IFT140: variants seen among roughly 807,000 people sequenced by gnomAD.
IFT140 encodes the protein intraflagellar transport 140.
Under a neutral mutation model 164.6 loss-of-function variants are expected in IFT140, and 133 were observed. That is an observed-to-expected ratio of 0.81 (90% CI 0.70 to 0.93). The LOEUF is 0.93. Ranked by LOEUF, IFT140 falls within the 40% of genes least tolerant of loss-of-function variation. The pLI, the probability that IFT140 is intolerant of heterozygous loss-of-function variation, is 0.00. For synonymous variants in IFT140, 860 were observed against 817.3 expected, an observed-to-expected ratio of 1.05 and a Z score of -0.89; for missense variants, 2,045 against 1,972.3, an observed-to-expected ratio of 1.04 and a Z score of -0.70.
chr16:1,567,934 A>G (rs1487771493), intron 15 of IFT140, among the ~76,000 whole-genome samples: 2 of 152,222 alleles, frequency 1.3e-5, no homozygotes, highest in Admixed American at 1.3e-4. Context: ...CTCTCCAACA[A>G]GGAATCGACT....
At chr16:1,524,334 A>C (rs1314972858) in intron 24 of IFT140, 3 of 668,730 alleles carry the variant, frequency 4.5e-6, no homozygotes, top group African/African-American at 1.8e-5. Context: ...CCTGGGAAAC[A>C]TCTGGGGACA....
intron 19 of IFT140, chr16:1,534,451 C>G: frequency 3.1e-6 from 5 of 1,611,554 alleles, no homozygotes; most frequent in Non-Finnish European, 3.4e-6. Flanking sequence ...CGGGGAGGGC[C>G]GAGCCCTGGG....
Position 1,510,937 on chromosome 16 carries a change from A to G in IFT140, c.*7T>C, listed in dbSNP as rs755667163. 3 of 1,608,116 alleles carry G rather than the reference A, an allele frequency of 1.9e-6. No homozygotes were observed. Among genetic ancestry groups the G allele is most frequent in the Admixed American group, 3.3e-5 (2 of 59,746 alleles). Reference sequence around the variant, plus strand: ...CAGCAGCACGCTGGTCCTGGGGCCCAGGCCCCTCAGGGGTCGTCATCTGCC... The same window carrying G: ...CAGCAGCACGCTGGTCCTGGGGCCCGGGCCCCTCAGGGGTCGTCATCTGCC... On this transcript the variant is annotated 3_prime_UTR_variant, in exon 31 of 31. Transcript: ENST00000426508.
intron 13 of IFT140, among the ~76,000 whole-genome samples, chr16:1,574,254 C>G (rs542903865): frequency 6.6e-6 from 1 of 152,258 alleles, no homozygotes; most frequent in East Asian, 1.9e-4. Context: ...CTGCCTTTAT[C>G]CTGGCTCAGG....
intron 19 of IFT140, among the ~76,000 whole-genome samples, chr16:1,528,957 C>T (rs1039404339): frequency 2.6e-5 from 4 of 152,184 alleles, no homozygotes; most frequent in Admixed American, 6.5e-5. Flanking sequence ...TTCCCTGGCT[C>T]CCACAGAATC....
In IFT140 at chr16:1,568,291, C is replaced by T. The variant is rs1402796285; in HGVS notation, c.1696G>A (p.Val566Ile). Reference protein sequence around the residue: ...HCSCRSLAELVPGVGGIASLR... With the variant: ...HCSCRSLAELIPGVGGIASLR... ...GAAGCGATGCCCCCCACCCCAGGGA[C>T]CAGCTCCGCCAGGCTCCTGCAGCTA... The change falls in exon 15 of 31, where the codon GTC (valine) becomes ATC (isoleucine). Residue 566 changes from valine (V) to isoleucine (I), a missense_variant. Coordinates refer to ENST00000426508, the MANE Select transcript of IFT140 (RefSeq NM_014714.4). 11 of 1,613,648 alleles carry T rather than the reference C, an allele frequency of 6.8e-6. No homozygotes were observed. Among genetic ancestry groups the T allele is most frequent in the Non-Finnish European group, 8.5e-6 (10 of 1,180,002 alleles).
At chr16:1,602,271 T>C (rs1306334860) in intron 4 of IFT140, 99 bp downstream of exon 4, 6 of 1,028,586 alleles carry the variant, frequency 5.8e-6, no homozygotes, top group Non-Finnish European at 8.8e-6. Context: ...CAACTGAATT[T>C]GGCAACAGCA....
In IFT140 at chr16:1,540,331, C is replaced by G. The variant is rs561216279; in HGVS notation, c.2400-13535G>C. ...CTAATACTGGCAATAGTGGTTCCAA[C>G]GGATACTTCTAACCACGTAAACACT... is the stretch of plus-strand genomic sequence containing the variant. On this transcript the variant is annotated intron_variant, in intron 19 of 30. Coordinates refer to ENST00000426508, the MANE Select transcript of IFT140 (RefSeq NM_014714.4). 5.9e-5 allele frequency among the ~76,000 whole-genome samples: 9 copies of G among 152,360 alleles called. No homozygotes were observed. In the South Asian group the frequency reaches 1.0e-3, roughly 18 times the overall value.
chr16:1,591,038 G>A (rs1021550231), intron 6 of IFT140, among the ~76,000 whole-genome samples: 9 of 152,172 alleles, frequency 5.9e-5, no homozygotes, highest in Non-Finnish European at 1.0e-4. Flanking sequence ...GCATCTTTAC[G>A]ATAACTGGGT....
chr16:1,541,849 G>C, intron 19 of IFT140: 1 of 1,477,170 alleles, frequency 6.8e-7, no homozygotes, highest in Non-Finnish European at 9.0e-7. Flanking sequence ...GACCACGAAA[G>C]TGGCGTGACG....
At position 1,554,104 on chromosome 16, in the gene IFT140, G is replaced by A. The variant is rs996650260; in HGVS notation, c.2399+3831C>T. On this transcript the variant is annotated intron_variant, in intron 19 of 30. Coordinates refer to ENST00000426508, the MANE Select transcript of IFT140 (RefSeq NM_014714.4). The stretch of plus-strand genomic sequence containing the variant: ...AGGGAGGAGGGAGGGTCTAGAACGA[G>A]AAGCACTGACTCGGAAGTGAGGGAA... The A allele has an allele frequency of 2.3e-6, 3 of 1,287,080 alleles. No homozygotes were observed. The African/African-American group carries it at 4.6e-5, about 20-fold the overall frequency. 79.7% of individuals were successfully genotyped at this position (1,287,080 alleles called of 1,614,324 possible).
chr16:1,577,507 A>G (rs8052868), intron 13 of IFT140: 28,582 of 151,978 alleles, frequency 0.19, 3,447 homozygotes, highest in African/African-American at 0.33. Flanking sequence ...GGGATTTTCA[A>G]CTGCTCAGGT....
At chr16:1,555,874 C>T (rs1391497489) in intron 19 of IFT140, among the ~76,000 whole-genome samples, 8 of 152,102 alleles carry the variant, frequency 5.3e-5, no homozygotes, top group South Asian at 4.2e-4. Context: ...GAGGCTGAGG[C>T]GGGCAGATCA....
At chr16:1,544,375 T>C (rs140189706) in intron 19 of IFT140, among the ~76,000 whole-genome samples, 12,041 of 151,580 alleles carry the variant, frequency 0.079, 562 homozygotes, top group African/African-American at 0.12. Context: ...TTAGTAGAGA[T>C]GGGGTTTCAC....
Position 1,533,986 on chromosome 16 carries a change from C to A in IFT140, c.2400-7190G>T, listed in dbSNP as rs761624105. On this transcript the variant is annotated intron_variant, in intron 19 of 30. Coordinates refer to ENST00000426508, the MANE Select transcript of IFT140 (RefSeq NM_014714.4). The surrounding 1 kb of genome is among the most constrained non-coding windows in gnomAD (Gnocchi z 4.7). ...CGGCCTCCGCTTCCCGGGAAGACGG[C>A]GCACTCCTGGCCCTGGGTTCTTGCT... 1.7e-5 allele frequency: 8 copies of A among 465,128 alleles called. No homozygotes were observed. The highest frequency in any genetic ancestry group is 4.3e-5 in the Admixed American group (1 of 23,446). 28.8% of individuals were successfully genotyped at this position (465,128 alleles called of 1,614,324 possible). A position where few individuals can be genotyped will look rare whatever the true frequency, so the allele number is the denominator to read the frequency against.
rs6600150 is a variant in IFT140, at chr16:1,516,177, A to C, written c.4182+2039T>G. On this transcript the variant is annotated intron_variant, in intron 30 of 30. Transcript: ENST00000426508. ...AAAAAAAAAAAAAAAAAAAAAAAAA[A>C]ACACCAGAAATGGATGGTAAATATG... Among the ~76,000 whole-genome samples, 41 of 115,160 alleles carry C rather than the reference A, an allele frequency of 3.6e-4. 6 individuals are homozygous for C. Among genetic ancestry groups the C allele is most frequent in the South Asian group, 8.5e-4 (3 of 3,536 alleles). 75.5% of individuals were successfully genotyped at this position (115,160 alleles called of 152,430 possible). A position where few individuals can be genotyped will look rare whatever the true frequency, so the allele number is the denominator to read the frequency against.
intron 9 of IFT140, 77 bp downstream of exon 9, chr16:1,587,121 A>T: frequency 1.1e-6 from 1 of 910,082 alleles, no homozygotes; most frequent in Non-Finnish European, 1.8e-6. Flanking sequence ...TCCACGTTTC[A>T]CTACCATTAT....
At chr16:1,605,857 C>A (rs1011680136) in intron 3 of IFT140, among the ~76,000 whole-genome samples, 1 of 152,190 alleles carries the variant, frequency 6.6e-6, no homozygotes, top group Non-Finnish European at 1.5e-5. Context: ...ACATGGCGTC[C>A]TTTGGAAACA....
chr16:1,596,704 C>G, intron 4 of IFT140, among the ~76,000 whole-genome samples: 1 of 152,138 alleles, frequency 6.6e-6, no homozygotes, highest in East Asian at 1.9e-4. Flanking sequence ...TTCTGCCCAA[C>G]GATCCTGGAA....
Sources: gnomAD v4.1 joint callset for allele counts (sites outside exome capture counted in the v4.1 genomes callset) on GRCh38, gnomAD v4.1.1 for gene constraint, Gnocchi (gnomAD v3.1) non-coding constraint, MANE v1.5 for transcripts, NCBI Gene and HGNC (gene_info 2026-07-23, HGNC 2026-07-21) for gene names.